Variants in CDH18 observed in about 807,000 individuals in gnomAD.
CDH18 encodes the protein cadherin-18.
Under a neutral mutation model 67.9 loss-of-function variants are expected in CDH18, and 31 were observed. The observed-to-expected ratio is 0.46, with a 90% confidence interval of 0.34 to 0.62. CDH18 has a LOEUF of 0.62. CDH18 is among the 20% of genes least tolerant of loss of function. The pLI is 0.01. For synonymous variants in CDH18, 362 were observed against 347.2 expected, an observed-to-expected ratio of 1.04 and a Z score of -0.48; for missense variants, 890 against 975.5, an observed-to-expected ratio of 0.91 and a Z score of 1.17.
intron 2 of CDH18, among the ~76,000 whole-genome samples, chr5:19,890,612 T>TG (rs1554058169): frequency 0.29 from 43,294 of 148,788 alleles, 7,063 homozygotes; most frequent in South Asian, 0.4. Context: ...TTTTTTTTTT[T>TG]GAGACAAAGT....
intron 2 of CDH18, among the ~76,000 whole-genome samples, chr5:20,061,583 C>T (rs985251019): frequency 5.9e-5 from 9 of 152,072 alleles, no homozygotes; most frequent in African/African-American, 1.2e-4. Context: ...AATATTAGCA[C>T]ACTTTATTAG....
intron 1 of CDH18, among the ~76,000 whole-genome samples, chr5:20,537,863 C>T (rs1018344626): frequency 2.6e-5 from 4 of 152,060 alleles, no homozygotes; most frequent in African/African-American, 7.2e-5. Context: ...GCTGCATTTG[C>T]CTGTAGCAAT....
rs758926772 is a variant in CDH18, at chr5:19,483,381, T to C, written c.1802A>G (p.His601Arg). Residue 601 changes from histidine (H) to arginine (R), a missense_variant, in exon 12 of 13, where the codon CAT (histidine) becomes CGT (arginine). Around this residue, in one of 2 missense-constraint regions of CDH18, gnomAD observed 656 missense variants for 668.1 expected, o/e 0.98. Transcript: ENST00000382275. Reference sequence around the variant, plus strand: ...AGCCGAGGACAGGAAGGCTTCTGCATGGCAGGTCCGCACACGCCCATCTCT... The same window carrying C: ...AGCCGAGGACAGGAAGGCTTCTGCACGGCAGGTCCGCACACGCCCATCTCT... ...CERDGRVRTC[H>R]AEAFLSSAGL... The C allele has an allele frequency of 2.5e-6, 4 of 1,614,150 alleles. No individual in the cohort carries two copies. The highest frequency in any genetic ancestry group is 1.3e-5 in the African/African-American group (1 of 75,048).
chr5:19,608,216 G>A (rs1748376771), intron 6 of CDH18, among the ~76,000 whole-genome samples: 1 of 151,472 alleles, frequency 6.6e-6, no homozygotes, highest in Admixed American at 6.6e-5. Flanking sequence ...AAGTGAGTAG[G>A]AACAGTTATC....
intron 1 of CDH18, among the ~76,000 whole-genome samples, chr5:20,410,102 T>C (rs1338786740): frequency 2.0e-5 from 3 of 151,796 alleles, no homozygotes; most frequent in Non-Finnish European, 4.4e-5. Context: ...TGCAAAAGAA[T>C]TGAACAGGAG....
intron 2 of CDH18, among the ~76,000 whole-genome samples, chr5:20,199,320 G>A (rs1466779570): frequency 1.3e-5 from 2 of 152,188 alleles, no homozygotes; most frequent in Non-Finnish European, 2.9e-5. Flanking sequence ...GCATCAACGT[G>A]ACCTGGAAGT....
chr5:20,469,408 A>G (rs1273384882), intron 1 of CDH18, among the ~76,000 whole-genome samples: 1 of 152,182 alleles, frequency 6.6e-6, no homozygotes, highest in Non-Finnish European at 1.5e-5. Context: ...GGAAACTTTT[A>G]TCTTCGCTTC....
At chr5:19,549,095 G>C (rs1736875732) in intron 8 of CDH18, among the ~76,000 whole-genome samples, 1 of 152,086 alleles carries the variant, frequency 6.6e-6, no homozygotes, top group Admixed American at 6.5e-5. Flanking sequence ...GGATAATACT[G>C]TTTGAATGTT....
intron 1 of CDH18, among the ~76,000 whole-genome samples, chr5:20,379,586 G>C (rs986837962): frequency 6.6e-6 from 1 of 151,974 alleles, no homozygotes; most frequent in Non-Finnish European, 1.5e-5. Flanking sequence ...GATATATTCA[G>C]TTAATATGTG....
At chr5:19,836,583 G>A (rs182942289) in intron 3 of CDH18, among the ~76,000 whole-genome samples, 132 of 152,164 alleles carry the variant, frequency 8.7e-4, no homozygotes, top group Admixed American at 1.8e-3. Context: ...TTGCCAGATG[G>A]ATAGATGGCA....
Position 20,304,930 on chromosome 5 carries a change from T to A in CDH18, c.-579-49425A>T, listed in dbSNP as rs1212259846. 22 of 1,613,636 alleles carry A rather than the reference T, an allele frequency of 1.4e-5. No homozygotes were observed. In the Middle Eastern group the frequency reaches 1.3e-3, roughly 99 times the overall value. Reference sequence around the variant, plus strand: ...ATCACAGAGGGGGTTTGTATTCACGTGCTTCACTATCCAATCCCGCACGGA... The same window carrying A: ...ATCACAGAGGGGGTTTGTATTCACGAGCTTCACTATCCAATCCCGCACGGA... On this transcript the variant is annotated intron_variant, in intron 1 of 14. Coordinates refer to the CDH18 transcript ENST00000507958.
chr5:20,112,918 T>G (rs1381035393), intron 2 of CDH18, among the ~76,000 whole-genome samples: 4 of 152,188 alleles, frequency 2.6e-5, no homozygotes, highest in Non-Finnish European at 2.9e-5. Context: ...CTCTGAAATT[T>G]TTCCCCAACA....
At chr5:20,087,490 AAAC>A (rs1745067423) in intron 2 of CDH18, among the ~76,000 whole-genome samples, 1 of 152,072 alleles carries the variant, frequency 6.6e-6, no homozygotes, top group Admixed American at 6.6e-5. Context: ...GAAAAAAAAA[AAAC>A]AAAGTCAGCA....
At chr5:19,548,517 G>A (rs1243757599) in intron 8 of CDH18, among the ~76,000 whole-genome samples, 2 of 151,882 alleles carry the variant, frequency 1.3e-5, no homozygotes, top group Non-Finnish European at 2.9e-5. Flanking sequence ...CTAGTAAGAG[G>A]TAAGAAAATC....
At chr5:19,793,147 A>T (rs1776532391) in intron 3 of CDH18, among the ~76,000 whole-genome samples, 1 of 152,058 alleles carries the variant, frequency 6.6e-6, no homozygotes. Flanking sequence ...CCCTACTACC[A>T]ATATTTTGCT....
intron 2 of CDH18, among the ~76,000 whole-genome samples, chr5:20,095,140 C>T (rs1410222027): frequency 6.6e-6 from 1 of 151,754 alleles, no homozygotes; most frequent in African/African-American, 2.4e-5. Context: ...GAACATCACA[C>T]ACCAGGCCCT....
intron 1 of CDH18, among the ~76,000 whole-genome samples, chr5:20,500,736 T>C (rs1020890112): frequency 1.3e-5 from 2 of 152,194 alleles, no homozygotes; most frequent in Non-Finnish European, 2.9e-5. Context: ...GATGTGCAAA[T>C]GTGTCCAAAT....
At chr5:19,585,072 T>A (rs1468068867) in intron 7 of CDH18, among the ~76,000 whole-genome samples, 3 of 151,952 alleles carry the variant, frequency 2.0e-5, no homozygotes, top group African/African-American at 7.2e-5. Flanking sequence ...TAGTACATCA[T>A]CACTTACCAT....
chr5:20,257,647 T>C (rs1422996221), intron 1 of CDH18, among the ~76,000 whole-genome samples: 1 of 152,178 alleles, frequency 6.6e-6, no homozygotes, highest in Non-Finnish European at 1.5e-5. Flanking sequence ...TTCTGTCAAT[T>C]AGGAAATGTC....
Sources: gnomAD v4.1 joint callset for allele counts (sites outside exome capture counted in the v4.1 genomes callset) on GRCh38, gnomAD v4.1.1 for gene constraint, gnomAD v4.1.1 regional missense constraint, MANE v1.5 for transcripts, NCBI Gene and HGNC (gene_info 2026-07-23, HGNC 2026-07-21) for gene names.